The following NCALD variants were observed in gnomAD, a reference collection of about 807,000 sequenced individuals.
NCALD encodes neurocalcin-delta.
A neutral mutation model predicts 18.6 loss-of-function variants in NCALD; 10 were observed. The ratio of observed to expected loss-of-function variants is 0.54; its 90% CI spans 0.33 to 0.91. The LOEUF is 0.91. Ranked by LOEUF, NCALD falls within the 40% of genes least tolerant of loss-of-function variation. NCALD has a pLI of 0.03. For missense variants in NCALD, 184 were observed against 247.6 expected (o/e 0.74, Z 1.72); for synonymous variants, 88 against 87.4 (o/e 1.01, Z -0.04).
intron 4 of NCALD, among the ~76,000 whole-genome samples, chr8:101,877,335 T>C (rs970709929): frequency 6.6e-6 from 1 of 152,158 alleles, no homozygotes; most frequent in Admixed American, 6.5e-5. Flanking sequence ...ACTAATGACT[T>C]CTTGTACCTC....
At chr8:101,826,815 A>G (rs1226675719) in intron 4 of NCALD, among the ~76,000 whole-genome samples, 1 of 152,222 alleles carries the variant, frequency 6.6e-6, no homozygotes, top group Non-Finnish European at 1.5e-5. Context: ...AGAGTGCTAT[A>G]ATCACCTTGC....
At chr8:101,945,249 C>T (rs562560685) in intron 2 of NCALD, among the ~76,000 whole-genome samples, 2 of 152,288 alleles carry the variant, frequency 1.3e-5, no homozygotes, top group African/African-American at 2.4e-5. Context: ...CTACTATGTG[C>T]CAGGCATCAT....
Position 101,992,239 on chromosome 8 carries a change from C to T in NCALD, c.-157+27998G>A, listed in dbSNP as rs370631006. Among the ~76,000 whole-genome samples, 9 of 152,262 alleles carry T rather than the reference C, an allele frequency of 5.9e-5. No homozygotes were observed. In the East Asian group the frequency reaches 1.7e-3, roughly 29 times the overall value. On this transcript the variant is annotated intron_variant, in intron 2 of 6. Coordinates refer to the NCALD transcript ENST00000311028. The stretch of plus-strand genomic sequence containing the variant: ...GTTTTCATTCTCTCTCTCCCCAGCC[C>T]CCATTTCCTCTTTCCTTTCTTCTGC...
At chr8:101,978,796 T>C (rs1820516689) in intron 2 of NCALD, among the ~76,000 whole-genome samples, 1 of 152,126 alleles carries the variant, frequency 6.6e-6, no homozygotes, top group African/African-American at 2.4e-5. Flanking sequence ...AAATGTGTGC[T>C]GAGGAGAGGG....
chr8:101,909,017 C>T (rs1228298048), intron 3 of NCALD, among the ~76,000 whole-genome samples: 1 of 152,144 alleles, frequency 6.6e-6, no homozygotes, highest in Non-Finnish European at 1.5e-5. Context: ...CCTGAGCCAA[C>T]ATAATAAAGA....
At chr8:101,911,352 TTTTC>T (rs956352254) in intron 3 of NCALD, among the ~76,000 whole-genome samples, 3 of 144,396 alleles carry the variant, frequency 2.1e-5, no homozygotes, top group Non-Finnish European at 4.5e-5. Flanking sequence ...CTTTTCTTTT[TTTTC>T]TTTTCTTTTT....
chr8:101,764,992 G>A lies in NCALD; in HGVS notation c.-20+25870C>T, dbSNP rs1009979903. 2.0e-5 allele frequency among the ~76,000 whole-genome samples: 3 copies of A among 152,166 alleles called. No individual in the cohort carries two copies. In the South Asian group the frequency reaches 6.2e-4, roughly 31 times the overall value. On this transcript the variant is annotated intron_variant, in intron 1 of 3. Transcript: ENST00000220931. ...AGCCTGCCTCCTGCGGCAAGATCAG[G>A]CATGTGAAGGTACCAGGCAAATATG...
At chr8:101,707,743 C>T (rs1815596242) in intron 2 of NCALD, among the ~76,000 whole-genome samples, 1 of 152,178 alleles carries the variant, frequency 6.6e-6, no homozygotes, top group Non-Finnish European at 1.5e-5. Flanking sequence ...TAGCAGGTGC[C>T]TGCAATCCCA....
At chr8:102,113,895 A>G (rs1825707150) in intron 1 of NCALD, among the ~76,000 whole-genome samples, 1 of 152,244 alleles carries the variant, frequency 6.6e-6, no homozygotes. Flanking sequence ...ACCCCAAACA[A>G]CCGTGAATCA....
At chr8:101,799,216 A>G (rs995011006) in intron 4 of NCALD, among the ~76,000 whole-genome samples, 4 of 152,194 alleles carry the variant, frequency 2.6e-5, no homozygotes, top group Admixed American at 6.5e-5. Flanking sequence ...ATCATTAACC[A>G]TTAGGGAAAT....
chr8:101,889,228 T>C (rs1376151368), intron 3 of NCALD, among the ~76,000 whole-genome samples: 3 of 152,220 alleles, frequency 2.0e-5, no homozygotes, highest in Non-Finnish European at 4.4e-5. Context: ...GAACGAAGCC[T>C]AAGCTGAAAG....
intron 2 of NCALD, among the ~76,000 whole-genome samples, chr8:101,922,606 G>T (rs1818206541): frequency 6.6e-6 from 1 of 152,164 alleles, no homozygotes; most frequent in African/African-American, 2.4e-5. Flanking sequence ...TCTACAGATT[G>T]CTGCCATGGC....
At chr8:102,062,853 T>G (rs1269400537) in intron 1 of NCALD, among the ~76,000 whole-genome samples, 2 of 152,132 alleles carry the variant, frequency 1.3e-5, no homozygotes, top group African/African-American at 2.4e-5. Flanking sequence ...CCAAAGCAAG[T>G]CACATGGCCA....
Position 102,085,413 on chromosome 8 carries a change from GA to G in NCALD, c.-210+38823del, listed in dbSNP as rs749536820. Among the ~76,000 whole-genome samples, 4 of 152,352 alleles carry G rather than the reference GA, an allele frequency of 2.6e-5. No individual in the cohort carries two copies. In the South Asian group the frequency reaches 6.2e-4, roughly 24 times the overall value. ...ACTTCCCTAGCATGATGATGGAAGA[GA>G]GGGGATCTTTTTTAAACAAATCTTC... is the stretch of plus-strand genomic sequence containing the variant. On this transcript the variant is annotated intron_variant, in intron 1 of 6. Coordinates refer to the NCALD transcript ENST00000311028.
rs1586816428 is a variant in NCALD at position 101,952,956 on chromosome 8, C to T, written c.-156-37098G>A. 2.6e-5 allele frequency among the ~76,000 whole-genome samples: 4 copies of T among 151,870 alleles called. No individual in the cohort carries two copies. The South Asian group carries it at 6.3e-4, about 24-fold the overall frequency. On this transcript the variant is annotated intron_variant, in intron 2 of 6. Transcript: ENST00000311028. ...TTTAAGAAGTAACACTTTCTGTTTC[C>T]CAGTGTTTCCTTCTATCTCCCTCCT...
At chr8:101,998,178 C>T (rs1271099037) in intron 2 of NCALD, among the ~76,000 whole-genome samples, 1 of 152,162 alleles carries the variant, frequency 6.6e-6, no homozygotes, top group African/African-American at 2.4e-5. Flanking sequence ...GGTCTTTATG[C>T]ACCAGAACTT....
intron 1 of NCALD, among the ~76,000 whole-genome samples, chr8:102,089,601 G>T (rs1056960801): frequency 6.6e-6 from 1 of 151,954 alleles, no homozygotes; most frequent in African/African-American, 2.4e-5. Context: ...CATGACTTTA[G>T]TAATCTTTGG....
intron 2 of NCALD, among the ~76,000 whole-genome samples, chr8:101,943,900 C>T (rs771557848): frequency 2.8e-4 from 42 of 152,022 alleles, no homozygotes; most frequent in Non-Finnish European, 5.1e-4. Flanking sequence ...GAGATCACAC[C>T]GCTGCACTCC....
At chr8:102,113,682 TA>T (rs1231094854) in intron 1 of NCALD, among the ~76,000 whole-genome samples, 2 of 152,220 alleles carry the variant, frequency 1.3e-5, no homozygotes, top group Non-Finnish European at 2.9e-5. Context: ...TTGCTGTAAT[TA>T]CTGGAAAGTC....
Sources: allele counts gnomAD v4.1 joint callset (sites outside exome capture counted in the v4.1 genomes callset), GRCh38; gene constraint gnomAD v4.1.1; transcripts MANE v1.5; gene names NCBI Gene and HGNC (gene_info 2026-07-23, HGNC 2026-07-21).